The following LAMB3 variants were observed in gnomAD, a reference collection of about 807,000 sequenced individuals.
LAMB3 encodes the protein laminin subunit beta-3.
In LAMB3, 104 loss-of-function variants were observed where a neutral mutation model predicts 140.3. That is an observed-to-expected ratio of 0.74 (90% CI 0.63 to 0.87). The LOEUF is 0.87. LAMB3 is among the 40% of genes least tolerant of loss of function. The pLI, the probability that LAMB3 is intolerant of heterozygous loss-of-function variation, is 0.00. For synonymous variants in LAMB3, 592 were observed against 602.9 expected, an observed-to-expected ratio of 0.98 and a Z score of 0.26; for missense variants, 1,531 against 1,575.2, an observed-to-expected ratio of 0.97 and a Z score of 0.47.
intron 14 of LAMB3, among the ~76,000 whole-genome samples, chr1:209,625,275 G>A (rs746745056): frequency 2.0e-5 from 3 of 152,188 alleles, no homozygotes; most frequent in Non-Finnish European, 2.9e-5. Flanking sequence ...AAAGCCACAC[G>A]TGAGTTATTT....
intron 14 of LAMB3, among the ~76,000 whole-genome samples, chr1:209,624,419 C>A (rs1332003306): frequency 6.6e-6 from 1 of 152,230 alleles, no homozygotes; most frequent in East Asian, 1.9e-4. Flanking sequence ...CCCATCACTG[C>A]TGCCAGCTGG....
At chr1:209,638,035 C>T (rs1666949898) in intron 4 of LAMB3, 54 bp from the exon 5 acceptor site, 3 of 1,444,498 alleles carry the variant, frequency 2.1e-6, no homozygotes, top group South Asian at 1.2e-5. Context: ...CTTCCCCAGC[C>T]CTGAAGGAAG....
chr1:209,641,877 G>A (rs1251467177), intron 3 of LAMB3, among the ~76,000 whole-genome samples: 1 of 152,176 alleles, frequency 6.6e-6, no homozygotes, highest in Non-Finnish European at 1.5e-5. Flanking sequence ...CAGCCTCTCA[G>A]GAACAAACTT....
chr1:209,648,049 C>G (rs1340064970), intron 3 of LAMB3, among the ~76,000 whole-genome samples: 1 of 152,192 alleles, frequency 6.6e-6, no homozygotes, highest in African/African-American at 2.4e-5. Context: ...CAGGGTACAT[C>G]TGTCCAGAGG....
intron 20 of LAMB3, 65 bp downstream of exon 20, chr1:209,617,842 A>G: frequency 6.2e-7 from 1 of 1,601,318 alleles, no homozygotes; most frequent in African/African-American, 1.3e-5. Context: ...GGCATTTTCT[A>G]TGCCTGGTGC....
chr1:209,629,827 C>A lies in LAMB3; in HGVS notation c.1042G>T (p.Asp348Tyr). ...TCACAGTTCTTGCCTTCGGTGTGGT[C>A]CCGGCAATTGTCACACACACCTCCA... Reference protein sequence around the residue: ...AYGGVCDNCRDHTEGKNCERC... With the variant: ...AYGGVCDNCRYHTEGKNCERC... Residue 348 changes from aspartate to tyrosine, a missense_variant, in exon 10 of 23, where the codon GAC (aspartate) becomes TAC (tyrosine). Physicochemically the swap from Asp to Tyr is radical, Grantham distance 160 (BLOSUM62 -3). Coordinates refer to ENST00000356082, the MANE Select transcript of LAMB3 (RefSeq NM_000228.3). The A allele has an allele frequency of 6.2e-7, 1 of 1,613,892 alleles. No individual in the cohort carries two copies.
chr1:209,627,320 A>C, intron 12 of LAMB3, 63 bp downstream of exon 12: 1 of 1,348,780 alleles, frequency 7.4e-7, no homozygotes, highest in Non-Finnish European at 1.0e-6. Context: ...GGGGCAGCAG[A>C]GAGGCTGGTG....
At chr1:209,642,375 C>G (rs892478618) in intron 3 of LAMB3, among the ~76,000 whole-genome samples, 5 of 152,182 alleles carry the variant, frequency 3.3e-5, no homozygotes, top group African/African-American at 1.2e-4. Flanking sequence ...ACAAAAATGG[C>G]AACTGCATAC....
At chr1:209,631,601 A>G (rs1260208055) in intron 8 of LAMB3, among the ~76,000 whole-genome samples, 2 of 152,214 alleles carry the variant, frequency 1.3e-5, no homozygotes, top group Non-Finnish European at 2.9e-5. Flanking sequence ...AGACCCAGGC[A>G]GTGGCACCTT....
intron 4 of LAMB3, among the ~76,000 whole-genome samples, chr1:209,638,233 G>C (rs1666955207): frequency 1.3e-5 from 2 of 152,226 alleles, no homozygotes; most frequent in East Asian, 3.9e-4. Flanking sequence ...GCTTCAACTT[G>C]TCTGTTCCAC....
intron 7 of LAMB3, 137 bp downstream of exon 7, chr1:209,632,933 G>C (rs1666747813): frequency 9.9e-7 from 1 of 1,012,254 alleles, no homozygotes; most frequent in Non-Finnish European, 1.6e-6. Context: ...ATCCCTATGG[G>C]GCAAGCAGGG....
intron 9 of LAMB3, 51 bp downstream of exon 9, chr1:209,630,564 G>A: frequency 1.9e-6 from 3 of 1,609,952 alleles, no homozygotes; most frequent in Non-Finnish European, 2.5e-6. Flanking sequence ...GCCTAGAGGG[G>A]CCAGCACTCG....
Position 209,634,486 on chromosome 1 carries a change from G to A in LAMB3, c.525C>T (p.Ser175=). The stretch of plus-strand genomic sequence containing the variant: ...GGCGTGCATTAGGCCTCTGAGGCAG[G>A]GACTGGCACCGAACATCCTGCCAGC... ...PQSWQDVRCQ[S]LPQRPNARLN... The change falls in exon 6 of 23, where the codon TCC becomes TCT. Residue 175 remains serine (S), a synonymous_variant. Coordinates refer to ENST00000356082, the MANE Select transcript of LAMB3 (RefSeq NM_000228.3). 1 of 1,614,102 alleles carries A rather than the reference G, an allele frequency of 6.2e-7. No individual in the cohort carries two copies. Among genetic ancestry groups the A allele is most frequent in the Non-Finnish European group, 8.5e-7 (1 of 1,180,028 alleles).
At chr1:209,633,599 G>A (rs1666776700) in intron 6 of LAMB3, among the ~76,000 whole-genome samples, 1 of 152,112 alleles carries the variant, frequency 6.6e-6, no homozygotes, top group African/African-American at 2.4e-5. Context: ...ACATATCCCA[G>A]GAAGAGTTTT....
At chr1:209,636,434 G>A (rs1396170037) in intron 5 of LAMB3, among the ~76,000 whole-genome samples, 8 of 152,186 alleles carry the variant, frequency 5.3e-5, no homozygotes, top group African/African-American at 1.7e-4. Context: ...CCAGGCTGTA[G>A]CCCCTATTGT....
At chr1:209,636,896 C>T (rs1666913267) in intron 5 of LAMB3, among the ~76,000 whole-genome samples, 1 of 152,212 alleles carries the variant, frequency 6.6e-6, no homozygotes, top group African/African-American at 2.4e-5. Context: ...CTACTGACTT[C>T]CCCACGTATG....
chr1:209,630,853 C>G, intron 8 of LAMB3, 118 bp from the exon 9 acceptor site: 1 of 1,193,848 alleles, frequency 8.4e-7, no homozygotes, highest in Admixed American at 1.9e-5. Context: ...AGATCCCAAC[C>G]CTTCCAGGAA....
intron 5 of LAMB3, among the ~76,000 whole-genome samples, chr1:209,637,032 G>A (rs548225089): frequency 1.3e-5 from 2 of 152,338 alleles, no homozygotes; most frequent in South Asian, 4.1e-4. Flanking sequence ...TAAATGAACA[G>A]GTGAGCGATG....
intron 12 of LAMB3, 39 bp downstream of exon 12, chr1:209,627,344 T>C: frequency 6.4e-7 from 1 of 1,563,958 alleles, no homozygotes; most frequent in Non-Finnish European, 8.8e-7. Flanking sequence ...AGGACCCCCC[T>C]CCCACTGAGG....
Sources: allele counts gnomAD v4.1 joint callset (sites outside exome capture counted in the v4.1 genomes callset), GRCh38; gene constraint gnomAD v4.1.1; transcripts MANE v1.5; gene names NCBI Gene and HGNC (gene_info 2026-07-23, HGNC 2026-07-21).